ATAD2B: variants seen among roughly 807,000 people sequenced by gnomAD.
ATAD2B encodes ATPase family AAA domain-containing protein 2B.
In ATAD2B, 40 loss-of-function variants were observed where a neutral mutation model predicts 167.6. That is an observed-to-expected ratio of 0.24 (90% confidence interval 0.19 to 0.31). The LOEUF is 0.31. Among genes scored for constraint, ATAD2B ranks in the 10% least tolerant of loss-of-function variants. The pLI is 1.00. For missense variants in ATAD2B, 1,242 were observed against 1,757.2 expected (o/e 0.71, Z 5.24); for synonymous variants, 579 against 596.5 (o/e 0.97, Z 0.43).
chr2:23,840,081 A>G (rs1034533273), intron 13 of ATAD2B, among the ~76,000 whole-genome samples: 1 of 152,202 alleles, frequency 6.6e-6, no homozygotes, highest in Non-Finnish European at 1.5e-5. Context: ...TTTAATTGCT[A>G]AGTAATATTC....
At chr2:23,789,063 T>C (rs944977241) in intron 19 of ATAD2B, among the ~76,000 whole-genome samples, 3 of 152,096 alleles carry the variant, frequency 2.0e-5, no homozygotes, top group East Asian at 3.9e-4. Flanking sequence ...TCCCTATCCA[T>C]TGACTTCCCT....
chr2:23,882,810 A>T (rs1275347983), intron 6 of ATAD2B, among the ~76,000 whole-genome samples: 1 of 132,454 alleles, frequency 7.5e-6, no homozygotes, highest in Non-Finnish European at 1.8e-5. Context: ...ACTCCATCTC[A>T]ACAACAACAA....
At chr2:23,711,371 T>C in the ATAD2B span, among the ~76,000 whole-genome samples, 83 of 48,814 alleles carry the variant, frequency 1.7e-3, 4 homozygotes, top group East Asian at 0.067. Context: ...TTTTTTTTTT[T>C]TTTTTTTTTT....
intron 24 of ATAD2B, among the ~76,000 whole-genome samples, chr2:23,760,735 CACACACACACACACAT>C (rs1676611133): frequency 4.0e-5 from 4 of 101,236 alleles, no homozygotes; most frequent in Admixed American, 1.2e-4. Flanking sequence ...CACACATATA[CACACACACACACACAT>C]ACACACACAC....
In ATAD2B at chr2:23,897,905, T is replaced by G. The variant is rs540144850; in HGVS notation, c.217-1935A>C. On this transcript the variant is annotated intron_variant, in intron 1 of 27. Coordinates refer to ENST00000238789, the MANE Select transcript of ATAD2B (RefSeq NM_017552.4). ...TTACTGAGGCGTCACTGCAATTAAG[T>G]GCTCTCAGCAGAGAGAGCTAAGGAA... Among the ~76,000 whole-genome samples, 5 of 152,342 alleles carry G rather than the reference T, an allele frequency of 3.3e-5. No homozygotes were observed. The East Asian group carries it at 9.6e-4, about 29-fold the overall frequency.
At chr2:23,775,207 A>AT (rs1483109184) in intron 22 of ATAD2B, among the ~76,000 whole-genome samples, 1 of 149,356 alleles carries the variant, frequency 6.7e-6, no homozygotes, top group African/African-American at 2.5e-5. Flanking sequence ...ATTTTATTTT[A>AT]TTTTTTTATG....
intron 7 of ATAD2B, among the ~76,000 whole-genome samples, chr2:23,878,725 A>G (rs185543904): frequency 6.6e-6 from 1 of 151,122 alleles, no homozygotes; most frequent in African/African-American, 2.4e-5. Flanking sequence ...TATTGAGAGA[A>G]TAAAAAAGAC....
At chr2:23,837,083 G>A (rs1196057862) in intron 13 of ATAD2B, among the ~76,000 whole-genome samples, 1 of 152,186 alleles carries the variant, frequency 6.6e-6, no homozygotes. Flanking sequence ...GGCACCTGCA[G>A]GCCAGTGCCA....
chr2:23,754,481 G>A (rs915581750), intron 26 of ATAD2B, among the ~76,000 whole-genome samples, 166 bp downstream of exon 26: 9 of 152,170 alleles, frequency 5.9e-5, no homozygotes, highest in African/African-American at 1.2e-4. Flanking sequence ...GACTACTCCC[G>A]TATCTTTCAA....
rs1013275294 is a variant in ATAD2B at position 23,810,484 on chromosome 2, T to C, written c.2286A>G (p.Pro762=). The change falls in exon 18 of 28, where the codon CCA becomes CCG. Residue 762 remains proline (P), a synonymous_variant. Coordinates refer to ENST00000238789, the MANE Select transcript of ATAD2B (RefSeq NM_017552.4). The part of the protein sequence containing the change: ...LHFTMSPYHQ[P]TSYRPRLLLS... ...GCAATAAGCGTGGCCTGTAAGAGGT[T>C]GGCTGATGATATGGTGACCTGTAAT... 6.2e-7 allele frequency: 1 copy of C among 1,613,558 alleles called. No homozygotes were observed. Among genetic ancestry groups the C allele is most frequent in the African/African-American group, 1.3e-5 (1 of 74,922 alleles).
At chr2:23,839,155 C>T (rs1690477356) in intron 13 of ATAD2B, among the ~76,000 whole-genome samples, 1 of 152,112 alleles carries the variant, frequency 6.6e-6, no homozygotes, top group East Asian at 1.9e-4. Flanking sequence ...GGTTGCTTTG[C>T]AATTCCTACA....
chr2:23,697,394 C>A, the ATAD2B span: 1 of 152,224 alleles, frequency 6.6e-6, no homozygotes, highest in Non-Finnish European at 1.5e-5. Flanking sequence ...TGGAGGGTAA[C>A]CCGTCAGGCT....
rs1558569624 is a variant in ATAD2B, at chr2:23,808,077, G to GTTATATA, written c.2454+2238_2454+2239insTATATAA. Among the ~76,000 whole-genome samples, 6 of 122,790 alleles carry GTTATATA rather than the reference G, an allele frequency of 4.9e-5. No individual in the cohort carries two copies. The East Asian group carries it at 1.3e-3, about 26-fold the overall frequency. 80.6% of individuals were successfully genotyped at this position (122,790 alleles called of 152,430 possible). On this transcript the variant is annotated intron_variant, in intron 18 of 27. Coordinates refer to ENST00000238789, the MANE Select transcript of ATAD2B (RefSeq NM_017552.4). ...AGTAACTATAAATTATAATATATAAGTAATTATATATATAATTATATATAT... is the reference window on the plus strand; with the variant it reads ...AGTAACTATAAATTATAATATATAAGTTATATATAATTATATATATAATTATATATAT...
intron 1 of ATAD2B, among the ~76,000 whole-genome samples, chr2:23,921,837 A>G (rs539925736): frequency 1.3e-5 from 2 of 152,290 alleles, no homozygotes; most frequent in Admixed American, 1.3e-4. Context: ...GTATAAGGAA[A>G]AACTTGCTCT....
chr2:23,786,602 C>A lies in ATAD2B; in HGVS notation c.2777-379G>T, dbSNP rs113929678. Among the ~76,000 whole-genome samples, 859 of 152,130 alleles carry A rather than the reference C, an allele frequency of 5.6e-3. 10 individuals carry two copies. The highest frequency in any genetic ancestry group is 0.018 in the African/African-American group (755 of 41,516). On this transcript the variant is annotated intron_variant, in intron 20 of 27. Coordinates refer to ENST00000238789, the MANE Select transcript of ATAD2B (RefSeq NM_017552.4). ...AATACAGTATTATACTTTTATGAGG[C>A]CACCATCGTATATGCAGTCCATCGT...
chr2:23,772,503 G>T (rs1678482144), intron 22 of ATAD2B, among the ~76,000 whole-genome samples: 1 of 152,056 alleles, frequency 6.6e-6, no homozygotes, highest in Admixed American at 6.6e-5. Flanking sequence ...AAAAAAAAAG[G>T]TAAGATTAAA....
intron 7 of ATAD2B, among the ~76,000 whole-genome samples, chr2:23,879,103 T>C (rs1422740551): frequency 6.6e-6 from 1 of 152,212 alleles, no homozygotes; most frequent in Non-Finnish European, 1.5e-5. Flanking sequence ...TAACTTCTTA[T>C]ATCTCATCAT....
At chr2:23,696,267 T>TGGGCCTGCTGACCCCAGGCCC in the ATAD2B span, 1 of 1,499,680 alleles carries the variant, frequency 6.7e-7, no homozygotes, top group Non-Finnish European at 9.1e-7. The surrounding 1 kb of genome is among the most constrained non-coding windows in gnomAD (Gnocchi z 5.5). Context: ...CCCCTGGGGC[T>TGGGCCTGCTGACCCCAGGCCC]GGGCCTGCTG....
At chr2:23,802,258 C>T (rs1239485740) in intron 18 of ATAD2B, among the ~76,000 whole-genome samples, 2 of 151,880 alleles carry the variant, frequency 1.3e-5, no homozygotes, top group Admixed American at 6.6e-5. Flanking sequence ...TTCTTTGTGC[C>T]ATGCTATCAG....
Sources: allele counts gnomAD v4.1 joint callset (sites outside exome capture counted in the v4.1 genomes callset), GRCh38; gene constraint gnomAD v4.1.1; non-coding constraint Gnocchi (gnomAD v3.1); transcripts MANE v1.5; gene names NCBI Gene and HGNC (gene_info 2026-07-23, HGNC 2026-07-21).